The following CRACDL variants were observed in gnomAD, a reference collection of about 807,000 sequenced individuals.
The protein encoded by CRACDL is CRACD like, also known as CRACD-like protein.
CRACDL carries 26 observed loss-of-function variants against 70.6 expected under a neutral mutation model. The ratio of observed to expected loss-of-function variants is 0.37; its 90% CI spans 0.27 to 0.51. The LOEUF (loss-of-function observed/expected upper bound fraction) is 0.51, where lower values mean the gene tolerates loss of function less well. Ranked by LOEUF, CRACDL falls within the 20% of genes least tolerant of loss-of-function variation. CRACDL has a pLI of 0.94. For missense variants in CRACDL, 1,283 were observed against 1,376.9 expected (o/e 0.93, Z 1.08); for synonymous variants, 618 against 615.2 (o/e 1.00, Z -0.07).
intron 1 of CRACDL, among the ~76,000 whole-genome samples, chr2:98,886,216 G>T (rs1011987354): frequency 2.6e-5 from 4 of 152,130 alleles, no homozygotes; most frequent in Non-Finnish European, 5.9e-5. Flanking sequence ...CCTGGCTGGT[G>T]GTTCCCTGAA....
chr2:98,810,234 G>A (rs1450538895), intron 7 of CRACDL, among the ~76,000 whole-genome samples: 3 of 152,208 alleles, frequency 2.0e-5, no homozygotes, highest in Non-Finnish European at 4.4e-5. Context: ...TGTACAGAGT[G>A]CCAGGGAGCT....
chr2:98,838,324 G>A, intron 2 of CRACDL, 37 bp from the exon 3 acceptor site: 1 of 1,257,656 alleles, frequency 8.0e-7, no homozygotes, highest in Admixed American at 2.2e-5. Context: ...AAATAAGACT[G>A]TTACAGTGTG....
At chr2:98,831,194 A>G (rs565912184) in intron 5 of CRACDL, among the ~76,000 whole-genome samples, 11 of 152,320 alleles carry the variant, frequency 7.2e-5, no homozygotes, top group Non-Finnish European at 1.6e-4. Context: ...GAGCAGGGAC[A>G]GCTTCGCCCC....
Position 98,823,103 on chromosome 2 carries a change from C to T in CRACDL, c.1170G>A (p.Glu390=), listed in dbSNP as rs753438324. The T allele has an allele frequency of 2.5e-6, 4 of 1,578,182 alleles. No homozygotes were observed. The highest frequency in any genetic ancestry group is 2.3e-5 in the South Asian group (2 of 86,828). The change falls in exon 7 of 10, where the codon GAG becomes GAA. Residue 390 remains glutamate, a synonymous_variant. Coordinates refer to ENST00000397899, the MANE Select transcript of CRACDL (RefSeq NM_207362.3). The surrounding 1 kb of genome is among the most constrained non-coding windows in gnomAD (Gnocchi z 4.0). The stretch of plus-strand genomic sequence containing the variant: ...CGACGTCTTCGGGAGCACAGACCAC[C>T]TCCTCCGCCTTGTCCGTGGCCGGGG... ...PCAPATDKAE[E]VVCAPEDVAS...
chr2:98,915,788 C>T (rs933800513), intron 1 of CRACDL, among the ~76,000 whole-genome samples: 11 of 152,046 alleles, frequency 7.2e-5, no homozygotes, highest in Non-Finnish European at 1.3e-4. Context: ...AACTCTCCCA[C>T]CGAGGCAAGG....
At chr2:98,814,445 G>C (rs1704701855) in intron 7 of CRACDL, among the ~76,000 whole-genome samples, 2 of 152,026 alleles carry the variant, frequency 1.3e-5, no homozygotes, top group South Asian at 4.1e-4. Context: ...TCAAATATTT[G>C]ATGATCTTTT....
At position 98,822,363 on chromosome 2, in the gene CRACDL, G is replaced by T; in HGVS notation, c.1910C>A (p.Pro637His). 6.8e-7 allele frequency: 1 copy of T among 1,471,264 alleles called. No homozygotes were observed. The allele number at this position is 1,471,264 out of a possible 1,614,324, so 91.1% of individuals were successfully genotyped here. ...GGCCGCCCTGTCCCCCGAGTCCTGA[G>T]GGCCGCGCTCCGCCAGCTTCCGAGG... ...PGPRKLAERG[P>H]QDSGDRAASP... The change falls in exon 7 of 10, where the codon CCT (proline) becomes CAT (histidine). Residue 637 changes from proline (P) to histidine (H), a missense_variant. This residue lies in a region of CRACDL where 921 missense variants were observed against 881.9 expected (regional missense o/e 1.04). Coordinates refer to ENST00000397899, the MANE Select transcript of CRACDL (RefSeq NM_207362.3). The surrounding 1 kb of genome is among the most constrained non-coding windows in gnomAD (Gnocchi z 4.9).
rs927560376 is a variant in CRACDL, at chr2:98,797,286, C to T, written c.2604+64G>A. Reference sequence around the variant, plus strand: ...GCACATGTGGTCCTTACAGGGTCCTCGCCCCAGTCCCAGCTGGCTGCTCCC... The same window carrying T: ...GCACATGTGGTCCTTACAGGGTCCTTGCCCCAGTCCCAGCTGGCTGCTCCC... On this transcript the variant is annotated intron_variant, in intron 8 of 9. Transcript: ENST00000397899. 9.3e-6 allele frequency: 14 copies of T among 1,508,114 alleles called. No homozygotes were observed. In the Admixed American group the frequency reaches 1.7e-4, roughly 19 times the overall value. The allele number at this position is 1,508,114 out of a possible 1,614,324, so 93.4% of individuals were successfully genotyped here.
intron 1 of CRACDL, among the ~76,000 whole-genome samples, chr2:98,887,047 G>C (rs1295437238): frequency 6.6e-6 from 1 of 151,932 alleles, no homozygotes; most frequent in East Asian, 1.9e-4. Flanking sequence ...ACCAATAGAA[G>C]GTCTGGAGTT....
At chr2:98,930,929 G>A (rs1315845476) in intron 1 of CRACDL, among the ~76,000 whole-genome samples, 4 of 151,914 alleles carry the variant, frequency 2.6e-5, no homozygotes, top group Non-Finnish European at 4.4e-5. Context: ...AGCACCTCAT[G>A]TAATGCTCAT....
rs1439816186 is a variant in CRACDL at position 98,821,749 on chromosome 2, T to C, written c.2416+108A>G. On this transcript the variant is annotated intron_variant, in intron 7 of 9. Transcript: ENST00000397899. ...GAATTCTGACTCCTTCCAATTCCCCTGCAACAAAGTTTGTACCAGGAGCAT... is the reference window on the plus strand; with the variant it reads ...GAATTCTGACTCCTTCCAATTCCCCCGCAACAAAGTTTGTACCAGGAGCAT... 15 of 1,378,732 alleles carry C rather than the reference T, an allele frequency of 1.1e-5. No individual in the cohort carries two copies. The African/African-American group carries it at 1.4e-4, about 12-fold the overall frequency. 85.4% of individuals were successfully genotyped at this position (1,378,732 alleles called of 1,614,324 possible).
At chr2:98,841,348 T>C (rs986292134) in intron 2 of CRACDL, among the ~76,000 whole-genome samples, 5 of 152,274 alleles carry the variant, frequency 3.3e-5, no homozygotes, top group African/African-American at 1.2e-4. Context: ...GTTTTTTAAT[T>C]GATCTTTAAA....
chr2:98,828,544 C>T (rs372335892), intron 5 of CRACDL, among the ~76,000 whole-genome samples: 23 of 152,154 alleles, frequency 1.5e-4, no homozygotes, highest in African/African-American at 5.3e-4. Context: ...AGCAGGTGCC[C>T]AGCAGCCTTT....
At chr2:98,862,476 G>C (rs1266200955) in intron 1 of CRACDL, among the ~76,000 whole-genome samples, 1 of 152,114 alleles carries the variant, frequency 6.6e-6, no homozygotes, top group Admixed American at 6.5e-5. Flanking sequence ...GGATCTACTA[G>C]ACAAAGACTT....
chr2:98,803,499 T>C (rs191013398), intron 7 of CRACDL, among the ~76,000 whole-genome samples: 63 of 152,312 alleles, frequency 4.1e-4, no homozygotes, highest in African/African-American at 1.5e-3. Flanking sequence ...TTCATAGAAG[T>C]ACACAAGCAT....
At chr2:98,860,027 A>T (rs1558607105) in intron 1 of CRACDL, among the ~76,000 whole-genome samples, 1 of 152,242 alleles carries the variant, frequency 6.6e-6, no homozygotes, top group Non-Finnish European at 1.5e-5. Context: ...TCCACAGACA[A>T]AATTAAGAAA....
At chr2:98,804,848 C>T (rs1367731301) in intron 7 of CRACDL, among the ~76,000 whole-genome samples, 1 of 152,088 alleles carries the variant, frequency 6.6e-6, no homozygotes, top group African/African-American at 2.4e-5. Context: ...AGGAGACACA[C>T]AGGAAGCTAA....
intron 1 of CRACDL, among the ~76,000 whole-genome samples, chr2:98,902,487 G>A (rs1306470379): frequency 1.3e-5 from 2 of 152,204 alleles, no homozygotes; most frequent in Non-Finnish European, 2.9e-5. Flanking sequence ...GGGCGCCTGA[G>A]TGTGGGGGTG....
At chr2:98,890,668 T>C (rs530610266) in intron 1 of CRACDL, among the ~76,000 whole-genome samples, 2 of 152,306 alleles carry the variant, frequency 1.3e-5, no homozygotes, top group African/African-American at 4.8e-5. Flanking sequence ...TTTTACATTA[T>C]ATATACCAGT....
Sources: gnomAD v4.1 joint callset for allele counts (sites outside exome capture counted in the v4.1 genomes callset) on GRCh38, gnomAD v4.1.1 for gene constraint, gnomAD v4.1.1 regional missense constraint, Gnocchi (gnomAD v3.1) non-coding constraint, MANE v1.5 for transcripts, NCBI Gene and HGNC (gene_info 2026-07-23, HGNC 2026-07-21) for gene names.